UPF2: variants seen among roughly 807,000 people sequenced by gnomAD.
UPF2 encodes the protein UPF2 regulator of nonsense mediated mRNA decay.
Under a neutral mutation model 141.4 loss-of-function variants are expected in UPF2, and 17 were observed. That is an observed-to-expected ratio of 0.12 (90% CI 0.08 to 0.18). The LOEUF (loss-of-function observed/expected upper bound fraction) is 0.18, where lower values mean the gene tolerates loss of function less well. Ranked by LOEUF, UPF2 falls within the 10% of genes least tolerant of loss-of-function variation. The pLI is 1.00. For synonymous variants in UPF2, 540 were observed against 498.0 expected (o/e 1.08, Z -1.12); for missense variants, 1,152 against 1,515.9 (o/e 0.76, Z 3.99).
intron 3 of UPF2, among the ~76,000 whole-genome samples, chr10:12,021,321 A>G (rs376476654): frequency 6.6e-6 from 1 of 151,604 alleles, no homozygotes; most frequent in Non-Finnish European, 1.5e-5. Flanking sequence ...CTTGAGCCCA[A>G]GATATCAAGA....
At chr10:12,023,625 G>T (rs1588575525) in intron 3 of UPF2, among the ~76,000 whole-genome samples, 1 of 151,818 alleles carries the variant, frequency 6.6e-6, no homozygotes, top group Non-Finnish European at 1.5e-5. Context: ...AGGAGGTGGA[G>T]GTTGTGATAA....
rs1400980645 is a variant in UPF2, at chr10:12,029,416, T to C, written c.474A>G (p.Glu158=). 3 of 1,614,108 alleles carry C rather than the reference T, an allele frequency of 1.9e-6. No individual in the cohort carries two copies. The highest frequency in any genetic ancestry group is 2.5e-6 in the Non-Finnish European group (3 of 1,180,058). The change falls in exon 3 of 22, where the codon GAA becomes GAG. Residue 158 remains glutamate, a synonymous_variant. Coordinates refer to ENST00000357604, the MANE Select transcript of UPF2 (RefSeq NM_015542.4). ...NQNAPDSRPE[E]NFFSRLDSSL... is the part of the protein sequence containing the mutation. ...TTGAGTCGAGGCGGCTGAAGAAGTT[T>C]TCCTCTGGTCGGCTGTCCGGAGCAT...
chr10:11,936,632 C>A lies in UPF2; in HGVS notation c.3459G>T (p.Gly1153=). 1.9e-6 allele frequency: 3 copies of A among 1,613,546 alleles called. No individual in the cohort carries two copies. Among genetic ancestry groups the A allele is most frequent in the Non-Finnish European group, 2.5e-6 (3 of 1,179,770 alleles). ...CTCCTTCCCCACCTCCCAGTGGGGGCCCTTTCCTCAGCTGGCTTTTGAGAT... is the reference window on the plus strand; with the variant it reads ...CTCCTTCCCCACCTCCCAGTGGGGGACCTTTCCTCAGCTGGCTTTTGAGAT... ...PLHLKSQLRK[G]PPLGGGEGEA... is the part of the protein sequence containing the mutation. The change falls in exon 19 of 22, where the codon GGG becomes GGT. Residue 1153 remains glycine (G), a synonymous_variant. Transcript: ENST00000357604. The surrounding 1 kb of genome is among the most constrained non-coding windows in gnomAD (Gnocchi z 6.6).
Position 12,035,166 on chromosome 10 carries a change from T to A in UPF2, c.258A>T (p.Ser86=). The A allele has an allele frequency of 6.2e-7, 1 of 1,607,588 alleles. No individual in the cohort carries two copies. Residue 86 remains serine, a synonymous_variant, in exon 2 of 22, where the codon TCA becomes TCT. Transcript: ENST00000357604. ...DEEKVKAEEE[S]KKKEEEEKKK... is the part of the protein sequence containing the mutation. ...TTTTTTCTTCCTCTTCTTTTTTCTT[T>A]GATTCTTCCTCTGCCTTCACCTTTT...
chr10:11,967,611 G>A (rs1010089864), intron 9 of UPF2, among the ~76,000 whole-genome samples, 157 bp from the exon 10 acceptor site: 2 of 145,314 alleles, frequency 1.4e-5, no homozygotes, highest in East Asian at 4.0e-4. Context: ...GTGCAACGGT[G>A]CAATCTTGGC....
At chr10:12,010,240 A>AG (rs1208960248) in intron 4 of UPF2, among the ~76,000 whole-genome samples, 1 of 152,246 alleles carries the variant, frequency 6.6e-6, no homozygotes, top group Non-Finnish European at 1.5e-5. Context: ...ATAAGCGGGC[A>AG]GCCAAAGAAG....
At chr10:12,025,330 C>T (rs1272377879) in intron 3 of UPF2, among the ~76,000 whole-genome samples, 2 of 152,164 alleles carry the variant, frequency 1.3e-5, no homozygotes, top group Non-Finnish European at 2.9e-5. Flanking sequence ...GTGTGCAGAT[C>T]ACCTGAGGTC....
intron 8 of UPF2, among the ~76,000 whole-genome samples, 168 bp downstream of exon 8, chr10:11,997,504 T>C (rs1371720846): frequency 2.6e-5 from 4 of 152,124 alleles, no homozygotes; most frequent in African/African-American, 7.2e-5. Flanking sequence ...TAACAAGCAA[T>C]GAACAAAAAT....
At chr10:12,034,562 T>TG (rs33998669) in intron 2 of UPF2, among the ~76,000 whole-genome samples, 90,805 of 152,060 alleles carry the variant, frequency 0.6, 28,401 homozygotes, top group East Asian at 0.86. Context: ...CCCAGCACTT[T>TG]GGGGAGGCTG....
At chr10:11,952,004 C>A (rs1413348892) in intron 15 of UPF2, 62 bp downstream of exon 15, 2 of 1,543,292 alleles carry the variant, frequency 1.3e-6, no homozygotes, top group African/African-American at 1.4e-5. Flanking sequence ...CATTATAAAG[C>A]AAATTCCAGA....
intron 3 of UPF2, among the ~76,000 whole-genome samples, chr10:12,025,809 T>C (rs1834409776): frequency 1.3e-5 from 2 of 152,248 alleles, no homozygotes; most frequent in South Asian, 4.1e-4. Context: ...TCAGTTTTTG[T>C]TTCGAGACAG....
intron 2 of UPF2, among the ~76,000 whole-genome samples, chr10:12,031,963 A>G (rs936912392): frequency 3.3e-5 from 5 of 152,196 alleles, no homozygotes; most frequent in African/African-American, 1.2e-4. Flanking sequence ...CCAGCAACAC[A>G]CAAATACAAA....
Position 12,028,638 on chromosome 10 carries a change from T to C in UPF2, c.1145+107A>G, listed in dbSNP as rs1422522612. 6 of 1,162,308 alleles carry C rather than the reference T, an allele frequency of 5.2e-6. No individual in the cohort carries two copies. The Admixed American group carries it at 1.7e-4, about 33-fold the overall frequency. 72.0% of individuals were successfully genotyped at this position (1,162,308 alleles called of 1,614,324 possible). A position where few individuals can be genotyped will look rare whatever the true frequency, so the allele number is the denominator to read the frequency against. ...TCCTGGAATGTTAAGAAATCACCTG[T>C]AAGGAGCCCTTTTCCATAAGTTCTT... is the stretch of plus-strand genomic sequence containing the variant. On this transcript the variant is annotated intron_variant, in intron 3 of 21. Transcript: ENST00000357604.
At chr10:11,928,975 C>G (rs1832748860) in intron 21 of UPF2, among the ~76,000 whole-genome samples, 1 of 152,148 alleles carries the variant, frequency 6.6e-6, no homozygotes, top group Non-Finnish European at 1.5e-5. Context: ...ATGGTGAAAC[C>G]CTGTCTCTAC....
At chr10:12,042,861 C>T (rs1408117540), upstream of UPF2, 13 of 152,270 alleles carry the variant, frequency 8.5e-5, no homozygotes, top group African/African-American at 4.8e-5. This position sits in a 1 kb window ranked among gnomAD's most constrained non-coding sequence, Gnocchi z 5.5. Context: ...GGCCCGCCTT[C>T]CCTCAGCTCC....
At chr10:11,984,137 G>A (rs1369405220) in intron 8 of UPF2, among the ~76,000 whole-genome samples, 1 of 152,014 alleles carries the variant, frequency 6.6e-6, no homozygotes, top group Admixed American at 6.6e-5. Context: ...TGGTCAGGGT[G>A]GTCTGGAATC....
chr10:11,921,436 C>G lies in UPF2; in HGVS notation c.3810-129G>C. 5 of 1,101,802 alleles carry G rather than the reference C, an allele frequency of 4.5e-6. No homozygotes were observed. The South Asian group carries it at 6.8e-5, about 15-fold the overall frequency. 68.3% of individuals were successfully genotyped at this position (1,101,802 alleles called of 1,614,324 possible). A position where few individuals can be genotyped will look rare whatever the true frequency, so the allele number is the denominator to read the frequency against. On this transcript the variant is annotated intron_variant, in intron 21 of 21. Coordinates refer to ENST00000357604, the MANE Select transcript of UPF2 (RefSeq NM_015542.4). This position sits in a 1 kb window ranked among gnomAD's most constrained non-coding sequence, Gnocchi z 5.9. ...AAGTTACAGGTGGCCCTGGCATCTG[C>G]GGGTTCCACATCCATGGACCAAAAA...
chr10:11,965,919 T>G (rs546535461), intron 10 of UPF2, among the ~76,000 whole-genome samples: 44 of 152,310 alleles, frequency 2.9e-4, no homozygotes, highest in Non-Finnish European at 5.9e-4. Context: ...GAAAAATTTG[T>G]TATAGAAAAA....
chr10:12,040,525 A>ATC (rs1834718273), intron 1 of UPF2, among the ~76,000 whole-genome samples: 1 of 152,210 alleles, frequency 6.6e-6, no homozygotes, highest in Admixed American at 6.5e-5. Context: ...TGATACTGGT[A>ATC]TCTCCTTTCA....
Sources: gnomAD v4.1 joint callset for allele counts (sites outside exome capture counted in the v4.1 genomes callset) on GRCh38, gnomAD v4.1.1 for gene constraint, Gnocchi (gnomAD v3.1) non-coding constraint, MANE v1.5 for transcripts, NCBI Gene and HGNC (gene_info 2026-07-23, HGNC 2026-07-21) for gene names.